Variants in GOLGA8J observed in about 807,000 individuals in gnomAD.
GOLGA8J encodes golgin A8 family member J.
In GOLGA8J, 19 loss-of-function variants were observed where a neutral mutation model predicts 67.7. The ratio of observed to expected loss-of-function variants is 0.28; its 90% CI spans 0.20 to 0.41. GOLGA8J has a LOEUF of 0.41. Among genes scored for constraint, GOLGA8J ranks in the 10% least tolerant of loss-of-function variants. The probability of loss-of-function intolerance (pLI) is 1.00; values close to 1 mark genes in which losing one functional copy is unlikely to be tolerated. For missense variants in GOLGA8J, 205 were observed against 584.3 expected (o/e 0.35, Z 6.69); for synonymous variants, 69 against 215.9 (o/e 0.32, Z 5.97).
chr15:30,094,192 G>C lies in GOLGA8J; in HGVS notation c.*693G>C, dbSNP rs1374679320. Reference sequence around the variant, plus strand: ...GTGCAGGATAGAGTGTGTTTCATCTGTTCCGGTGCCCGGAATTAGCAGTGT... The same window carrying C: ...GTGCAGGATAGAGTGTGTTTCATCTCTTCCGGTGCCCGGAATTAGCAGTGT... On this transcript the variant is annotated 3_prime_UTR_variant, in exon 19 of 19. Coordinates refer to ENST00000567927, the MANE Select transcript of GOLGA8J (RefSeq NM_001282472.2). Among the ~76,000 whole-genome samples, 1 of 143,318 alleles carries C rather than the reference G, an allele frequency of 7.0e-6. No homozygotes were observed. The highest frequency in any genetic ancestry group is 1.5e-5 in the Non-Finnish European group (1 of 67,320). 94.0% of individuals were successfully genotyped at this position (143,318 alleles called of 152,430 possible).
In GOLGA8J at chr15:30,091,939, G is replaced by T. The variant is rs1209366021; in HGVS notation, c.1277-103G>T. ...GAACAACAGCTCATTCCTCTCTGGGGAGGGGCAGGCTCAGGGTTACACAGT... is the reference window on the plus strand; with the variant it reads ...GAACAACAGCTCATTCCTCTCTGGGTAGGGGCAGGCTCAGGGTTACACAGT... On this transcript the variant is annotated intron_variant, in intron 14 of 18. Transcript: ENST00000567927. 377 of 1,211,332 alleles carry T rather than the reference G, an allele frequency of 3.1e-4. 1 individual carries two copies. The highest frequency in any genetic ancestry group is 4.0e-4 in the Non-Finnish European group (334 of 838,190). The allele number at this position is 1,211,332 out of a possible 1,614,324, so 75.0% of individuals were successfully genotyped here.
At position 30,094,025 on chromosome 15, in the gene GOLGA8J, C is replaced by G. The variant is rs1271368027; in HGVS notation, c.*526C>G. Among the ~76,000 whole-genome samples, 2 of 145,582 alleles carry G rather than the reference C, an allele frequency of 1.4e-5. No individual in the cohort carries two copies. The highest frequency in any genetic ancestry group is 5.4e-5 in the African/African-American group (2 of 37,158). ...ACTTTGTAATATGCCACTATGAGTA[C>G]TGACATTTAGAGTTGTTTAAAGGCC... On this transcript the variant is annotated 3_prime_UTR_variant, in exon 19 of 19. Transcript: ENST00000567927.
At chr15:30,090,015 C>T in intron 12 of GOLGA8J, 59 bp downstream of exon 12, 1 of 1,434,734 alleles carries the variant, frequency 7.0e-7, no homozygotes, top group African/African-American at 2.4e-5. Flanking sequence ...CCTTTGTTTC[C>T]CCACCTCTAA....
chr15:30,090,486 A>T (rs1419850189), intron 13 of GOLGA8J, among the ~76,000 whole-genome samples: 6 of 147,978 alleles, frequency 4.1e-5, no homozygotes, highest in Admixed American at 4.0e-4. Context: ...TAAGGTCTGG[A>T]CATCATCATC....
At position 30,084,889 on chromosome 15, in the gene GOLGA8J, A is replaced by T. The variant is rs767581267; in HGVS notation, c.167A>T (p.Asp56Val). The T allele has an allele frequency of 2.1e-5, 31 of 1,478,084 alleles. 2 individuals are homozygous for T. In the South Asian group the frequency reaches 3.9e-4, roughly 19 times the overall value. 91.6% of individuals were successfully genotyped at this position (1,478,084 alleles called of 1,614,324 possible). A position where few individuals can be genotyped will look rare whatever the true frequency, so the allele number is the denominator to read the frequency against. ...TCTGGTGGTTGCCAGCCACCTAGGGATGTGAGTCTTGGCTGACCAGGCTTC... is the reference window on the plus strand; with the variant it reads ...TCTGGTGGTTGCCAGCCACCTAGGGTTGTGAGTCTTGGCTGACCAGGCTTC... ...ATSGGCQPPR[D>V]SATGFHREGP... is the part of the protein sequence containing the mutation. The change falls in exon 2 of 19, where the codon GAT becomes GTT. Residue 56 changes from aspartate to valine, a missense_variant and splice_region_variant. Coordinates refer to ENST00000567927, the MANE Select transcript of GOLGA8J (RefSeq NM_001282472.2).
Position 30,093,167 on chromosome 15 carries a change from C to T in GOLGA8J, c.1651C>T (p.His551Tyr). Residue 551 changes from histidine (H) to tyrosine (Y), a missense_variant, in exon 18 of 19, where the codon CAC becomes TAC. Physicochemically the swap from His to Tyr is moderately conservative, Grantham distance 83. Transcript: ENST00000567927. ...GCACAGAAAATTCCTGGCCGCTGCC[C>T]ACAACTCTGCTGATGAGCCCGGTCC... ...NGHRKFLAAA[H>Y]NSADEPGPGA... The T allele has an allele frequency of 6.6e-7, 1 of 1,525,952 alleles. No individual in the cohort carries two copies. Among genetic ancestry groups the T allele is most frequent in the African/African-American group, 1.5e-5 (1 of 66,436 alleles). The allele number at this position is 1,525,952 out of a possible 1,614,324, so 94.5% of individuals were successfully genotyped here.
chr15:30,090,413 G>T, intron 13 of GOLGA8J, 133 bp downstream of exon 13: 1 of 1,525,980 alleles, frequency 6.6e-7, no homozygotes, highest in East Asian at 2.4e-5. Flanking sequence ...CCCCAGGGCA[G>T]TCCTGTGACT....
rs561815812 is a variant in GOLGA8J, at chr15:30,090,357, C to G, written c.1200+77C>G. The G allele has an allele frequency of 9.7e-5, 144 of 1,478,992 alleles. 3 individuals carry two copies. Among genetic ancestry groups the G allele is most frequent in the South Asian group, 7.8e-4 (64 of 82,490 alleles). 91.6% of individuals were successfully genotyped at this position (1,478,992 alleles called of 1,614,324 possible). A position where few individuals can be genotyped will look rare whatever the true frequency, so the allele number is the denominator to read the frequency against. On this transcript the variant is annotated intron_variant, in intron 13 of 18. Transcript: ENST00000567927. ...AGCAGCCTCTTGGGAGGGGAGGTGC[C>G]AGGCCAGAGGCAGCTTCCAGCCTGG...
At chr15:30,090,601 GA>G (rs2057389886) in intron 13 of GOLGA8J, among the ~76,000 whole-genome samples, 1 of 140,092 alleles carries the variant, frequency 7.1e-6, no homozygotes, top group Non-Finnish European at 1.5e-5. Context: ...AGCACTTTGG[GA>G]GGCTGAGGCA....
chr15:30,089,618 G>T (rs2140567836), intron 11 of GOLGA8J, 82 bp from the exon 12 acceptor site: 1 of 687,632 alleles, frequency 1.5e-6, no homozygotes, highest in Non-Finnish European at 2.4e-6. Context: ...AGTTTGAGGA[G>T]CCTGAGAGGA....
intron 11 of GOLGA8J, 72 bp from the exon 12 acceptor site, chr15:30,089,628 A>G: frequency 4.7e-6 from 4 of 859,974 alleles, no homozygotes; most frequent in Non-Finnish European, 7.1e-6. Context: ...GCCTGAGAGG[A>G]GCTGTGCGCC....
In GOLGA8J at chr15:30,092,086, C is replaced by A; in HGVS notation, c.1321C>A (p.Arg441=). 1 of 1,589,050 alleles carries A rather than the reference C, an allele frequency of 6.3e-7. No homozygotes were observed. The highest frequency in any genetic ancestry group is 8.5e-7 in the Non-Finnish European group (1 of 1,170,474). The part of the protein sequence containing the change: ...HLDSEGEEAP[R]PMPSVPEDPE... Reference sequence around the variant, plus strand: ...GGACAGTGAGGGGGAGGAGGCACCTCGGCCCATGCCGAGTGTCCCAGAGGA... The same window carrying A: ...GGACAGTGAGGGGGAGGAGGCACCTAGGCCCATGCCGAGTGTCCCAGAGGA... Residue 441 remains arginine, a synonymous_variant, in exon 15 of 19, where the codon CGG becomes AGG. Coordinates refer to ENST00000567927, the MANE Select transcript of GOLGA8J (RefSeq NM_001282472.2).
intron 2 of GOLGA8J, among the ~76,000 whole-genome samples, chr15:30,085,425 T>C (rs1340641574): frequency 2.4e-4 from 7 of 29,572 alleles, no homozygotes; most frequent in Non-Finnish European, 2.9e-4. Flanking sequence ...TTCACTTCCA[T>C]TTGTGAAGTT....
In GOLGA8J at chr15:30,092,090, C is replaced by T; in HGVS notation, c.1325C>T (p.Pro442Leu). Reference sequence around the variant, plus strand: ...AGTGAGGGGGAGGAGGCACCTCGGCCCATGCCGAGTGTCCCAGAGGACCCG... The same window carrying T: ...AGTGAGGGGGAGGAGGCACCTCGGCTCATGCCGAGTGTCCCAGAGGACCCG... ...LDSEGEEAPRPMPSVPEDPES... is the reference protein window; with the variant it reads ...LDSEGEEAPRLMPSVPEDPES... The change falls in exon 15 of 19, where the codon CCC (proline) becomes CTC (leucine). Residue 442 changes from proline (P) to leucine (L), a missense_variant. Physicochemically the swap from Pro to Leu is moderately conservative, Grantham distance 98 (BLOSUM62 -3). Coordinates refer to ENST00000567927, the MANE Select transcript of GOLGA8J (RefSeq NM_001282472.2). 1 of 1,586,922 alleles carries T rather than the reference C, an allele frequency of 6.3e-7. No homozygotes were observed. The highest frequency in any genetic ancestry group is 8.6e-7 in the Non-Finnish European group (1 of 1,169,356).
rs932128638 is a variant in GOLGA8J, at chr15:30,095,357, A to G, written c.*1858A>G. ...AACAGATTTGCTGGCATTCACTGAA[A>G]GAGTGCAAATATTCGGTCCTTGTGA... On this transcript the variant is annotated 3_prime_UTR_variant, in exon 19 of 19. Transcript: ENST00000567927. 2.8e-5 allele frequency among the ~76,000 whole-genome samples: 4 copies of G among 140,678 alleles called. No individual in the cohort carries two copies. The highest frequency in any genetic ancestry group is 7.1e-5 in the Admixed American group (1 of 14,088). The allele number at this position is 140,678 out of a possible 152,430, so 92.3% of individuals were successfully genotyped here.
chr15:30,089,193 C>T, intron 10 of GOLGA8J, 43 bp from the exon 11 acceptor site: 1 of 575,764 alleles, frequency 1.7e-6, no homozygotes, highest in Non-Finnish European at 2.9e-6. Context: ...GTCCAGCCTC[C>T]AGCCCCTCTC....
At chr15:30,092,292 C>T (rs1237441711) in intron 15 of GOLGA8J, among the ~76,000 whole-genome samples, 159 bp downstream of exon 15, 153 of 142,850 alleles carry the variant, frequency 1.1e-3, no homozygotes, top group Non-Finnish European at 2.0e-3. Context: ...CCAACAGGTG[C>T]ACTCTCTGAG....
At position 30,085,226 on chromosome 15, in the gene GOLGA8J, A is replaced by G. The variant is rs1387012782; in HGVS notation, c.168+336A>G. ...GAACCTGGGAGGTGGAGCTTGCAGT[A>G]GCCAAGATTATGCCACTGCACTCCA... On this transcript the variant is annotated intron_variant, in intron 2 of 18. Transcript: ENST00000567927. Among the ~76,000 whole-genome samples the G allele has an allele frequency of 2.3e-4, 19 of 81,100 alleles. 1 individual carries two copies. The highest frequency in any genetic ancestry group is 3.7e-4 in the Non-Finnish European group (18 of 49,262). 53.2% of individuals were successfully genotyped at this position (81,100 alleles called of 152,430 possible).
chr15:30,091,424 T>C, intron 13 of GOLGA8J, 111 bp from the exon 14 acceptor site: 1 of 1,080,808 alleles, frequency 9.3e-7, no homozygotes, highest in Non-Finnish European at 1.3e-6. Context: ...GTGGCTGAGA[T>C]GGCCTGCCAA....
Sources: allele counts gnomAD v4.1 joint callset (sites outside exome capture counted in the v4.1 genomes callset), GRCh38; gene constraint gnomAD v4.1.1; transcripts MANE v1.5; gene names NCBI Gene and HGNC (gene_info 2026-07-23, HGNC 2026-07-21).